ADAMTSL1: variants seen among roughly 807,000 people sequenced by gnomAD.
ADAMTSL1 encodes the protein ADAMTS like 1.
A neutral mutation model predicts 201.8 loss-of-function variants in ADAMTSL1; 126 were observed. The observed-to-expected ratio is 0.62, with a 90% confidence interval of 0.54 to 0.72. The LOEUF (loss-of-function observed/expected upper bound fraction) is 0.72. Ranked by LOEUF, ADAMTSL1 falls within the 30% of genes least tolerant of loss-of-function variation. The probability of loss-of-function intolerance (pLI) is 0.00; values close to 1 mark genes in which losing one functional copy is unlikely to be tolerated. For synonymous variants in ADAMTSL1, 1,121 were observed against 903.4 expected, an observed-to-expected ratio of 1.24 and a Z score of -4.32; for missense variants, 2,679 against 2,277.8, an observed-to-expected ratio of 1.18 and a Z score of -3.59.
chr9:18,223,966 A>G (rs1222623851), intron 2 of ADAMTSL1, among the ~76,000 whole-genome samples: 3 of 152,156 alleles, frequency 2.0e-5, no homozygotes, highest in Non-Finnish European at 4.4e-5. Context: ...ATTAATTTTT[A>G]AAAAGCCACA....
At chr9:18,160,348 G>T (rs1222507958) in intron 1 of ADAMTSL1, among the ~76,000 whole-genome samples, 1 of 151,960 alleles carries the variant, frequency 6.6e-6, no homozygotes, top group South Asian at 2.1e-4. Context: ...CTATTCCTGC[G>T]AGTGAATAAT....
At chr9:17,998,739 T>C (rs1819488511) in intron 1 of ADAMTSL1, among the ~76,000 whole-genome samples, 1 of 152,020 alleles carries the variant, frequency 6.6e-6, no homozygotes, top group African/African-American at 2.4e-5. Context: ...ATTTCCTGTC[T>C]AGGAGGTAGG....
chr9:18,520,699 G>C (rs867355304), intron 2 of ADAMTSL1, among the ~76,000 whole-genome samples: 1 of 152,198 alleles, frequency 6.6e-6, no homozygotes, highest in Non-Finnish European at 1.5e-5. Flanking sequence ...CCTACTGATG[G>C]ATGATGCCTG....
At chr9:18,829,642 A>C (rs1437327948) in intron 22 of ADAMTSL1, among the ~76,000 whole-genome samples, 1 of 152,184 alleles carries the variant, frequency 6.6e-6, no homozygotes, top group African/African-American at 2.4e-5. Context: ...TCAGGCATCA[A>C]ATACCTGTAT....
At chr9:18,554,766 G>C (rs1821006339) in intron 3 of ADAMTSL1, among the ~76,000 whole-genome samples, 1 of 149,244 alleles carries the variant, frequency 6.7e-6, no homozygotes, top group Admixed American at 6.7e-5. Context: ...GCAGAAAATA[G>C]AGAAGTTTCC....
intron 2 of ADAMTSL1, among the ~76,000 whole-genome samples, chr9:18,308,372 GA>G (rs1338673602): frequency 6.6e-6 from 1 of 151,716 alleles, no homozygotes; most frequent in African/African-American, 2.4e-5. Context: ...ATAGAGACAC[GA>G]AAAACCCTTC....
At chr9:18,737,750 G>T (rs1818598125) in intron 15 of ADAMTSL1, among the ~76,000 whole-genome samples, 1 of 152,198 alleles carries the variant, frequency 6.6e-6, no homozygotes, top group African/African-American at 2.4e-5. Flanking sequence ...AGAGGCAAAT[G>T]TATTAAGCAA....
intron 1 of ADAMTSL1, among the ~76,000 whole-genome samples, chr9:18,043,824 A>G (rs1305791993): frequency 6.6e-6 from 1 of 151,908 alleles, no homozygotes; most frequent in East Asian, 1.9e-4. Flanking sequence ...TACAATGTAT[A>G]GGGAAGGAAT....
chr9:18,548,096 A>G (rs1324685426), intron 3 of ADAMTSL1, among the ~76,000 whole-genome samples: 1 of 152,056 alleles, frequency 6.6e-6, no homozygotes, highest in East Asian at 1.9e-4. Flanking sequence ...TTATTGATGG[A>G]TGCTTGCAAT....
chr9:18,399,138 A>G (rs2133255315), intron 2 of ADAMTSL1, among the ~76,000 whole-genome samples: 1 of 151,680 alleles, frequency 6.6e-6, no homozygotes, highest in African/African-American at 2.4e-5. Flanking sequence ...GTGGAGCCAC[A>G]TCTGTTCACT....
chr9:18,299,038 A>G (rs1833593888), intron 2 of ADAMTSL1, among the ~76,000 whole-genome samples: 1 of 151,322 alleles, frequency 6.6e-6, no homozygotes, highest in Admixed American at 6.6e-5. Flanking sequence ...AATAATAATA[A>G]TAATAGCCGC....
chr9:18,060,704 G>A (rs935778655), intron 1 of ADAMTSL1, among the ~76,000 whole-genome samples: 5 of 152,024 alleles, frequency 3.3e-5, no homozygotes, highest in African/African-American at 9.7e-5. Context: ...TTAATAATTC[G>A]TCTCACCACT....
At chr9:18,020,324 G>A (rs557562171) in intron 1 of ADAMTSL1, among the ~76,000 whole-genome samples, 24 of 152,176 alleles carry the variant, frequency 1.6e-4, no homozygotes, top group African/African-American at 5.8e-4. Context: ...AAAGCGATGG[G>A]ATGTTACTAC....
At chr9:18,146,043 C>G (rs1437775106) in intron 1 of ADAMTSL1, among the ~76,000 whole-genome samples, 1 of 152,094 alleles carries the variant, frequency 6.6e-6, no homozygotes, top group Admixed American at 6.6e-5. Flanking sequence ...TACTACACAC[C>G]TATTAGAATG....
At chr9:18,100,373 C>T (rs1017225379) in intron 1 of ADAMTSL1, among the ~76,000 whole-genome samples, 49 of 152,230 alleles carry the variant, frequency 3.2e-4, no homozygotes, top group African/African-American at 7.2e-4. Context: ...CTGGAACTTC[C>T]GGGCTCAAGC....
chr9:18,882,535 C>G (rs962813636), intron 23 of ADAMTSL1, among the ~76,000 whole-genome samples: 5 of 152,114 alleles, frequency 3.3e-5, no homozygotes, highest in African/African-American at 9.7e-5. Context: ...TATAGGTGCC[C>G]GGATCCCAGG....
intron 1 of ADAMTSL1, among the ~76,000 whole-genome samples, chr9:17,988,789 A>C (rs868358761): frequency 3.9e-5 from 6 of 151,948 alleles, no homozygotes; most frequent in South Asian, 2.1e-4. Context: ...ACGTGTTAGA[A>C]TAATTTTGGT....
intron 26 of ADAMTSL1, among the ~76,000 whole-genome samples, chr9:18,899,181 T>C (rs997157071): frequency 6.6e-6 from 1 of 152,124 alleles, no homozygotes; most frequent in Non-Finnish European, 1.5e-5. Flanking sequence ...AAATCATGAA[T>C]GAACTCCCAT....
intron 11 of ADAMTSL1, 115 bp from the exon 12 acceptor site, chr9:18,681,697 T>TGTGTGGGGC (rs370940110): frequency 8.3e-6 from 2 of 240,320 alleles, no homozygotes; most frequent in Non-Finnish European, 1.3e-5. Flanking sequence ...AGTCCTCGTG[T>TGTGTGGGGC]GGGGGGGGGG....
Sources: gnomAD v4.1 joint callset for allele counts (sites outside exome capture counted in the v4.1 genomes callset) on GRCh38, gnomAD v4.1.1 for gene constraint, MANE v1.5 for transcripts, NCBI Gene and HGNC (gene_info 2026-07-23, HGNC 2026-07-21) for gene names.